The following RBFOX1 variants were observed in gnomAD, a reference collection of about 807,000 sequenced individuals.
The protein encoded by RBFOX1 is RNA binding protein fox-1 homolog 1.
Under a neutral mutation model 57.7 loss-of-function variants are expected in RBFOX1, and 8 were observed. That is an observed-to-expected ratio of 0.14 (90% CI 0.08 to 0.25). The LOEUF is 0.25. RBFOX1 is among the 10% of genes least tolerant of loss of function. The probability of loss-of-function intolerance (pLI) is 1.00; values close to 1 mark genes in which losing one functional copy is unlikely to be tolerated. For synonymous variants in RBFOX1, 326 were observed against 222.4 expected (o/e 1.47, Z -4.15); for missense variants, 611 against 548.5 (o/e 1.11, Z -1.14).
chr16:5,910,058 A>G (rs559529201), intron 4 of RBFOX1, among the ~76,000 whole-genome samples: 3 of 151,816 alleles, frequency 2.0e-5, no homozygotes, highest in Non-Finnish European at 2.9e-5. Flanking sequence ...AAAAACAAAC[A>G]AAAACAAAAA....
intron 3 of RBFOX1, among the ~76,000 whole-genome samples, chr16:6,898,935 GTGTGTATA>G (rs1318222628): frequency 4.6e-5 from 7 of 151,478 alleles, no homozygotes. Flanking sequence ...ATGTGTGTAT[GTGTGTATA>G]TGTGTATAAT....
At chr16:7,409,782 G>C (rs1233626057) in intron 4 of RBFOX1, among the ~76,000 whole-genome samples, 1 of 137,100 alleles carries the variant, frequency 7.3e-6, no homozygotes, top group Non-Finnish European at 1.7e-5. Flanking sequence ...CCTTGCTCTG[G>C]GCATTCCTTG....
chr16:5,993,064 C>A (rs79165163), intron 4 of RBFOX1, among the ~76,000 whole-genome samples: 4 of 152,174 alleles, frequency 2.6e-5, no homozygotes, highest in African/African-American at 9.7e-5. Flanking sequence ...TGCTTACCCA[C>A]AGGCCCTCTC....
intron 1 of RBFOX1, among the ~76,000 whole-genome samples, chr16:6,202,579 T>C (rs2097222008): frequency 6.6e-6 from 1 of 152,060 alleles, no homozygotes; most frequent in Non-Finnish European, 1.5e-5. Flanking sequence ...AGTTTCTTTC[T>C]TTTATGCTGA....
At chr16:6,134,962 A>T (rs1040842688) in intron 1 of RBFOX1, among the ~76,000 whole-genome samples, 1 of 152,056 alleles carries the variant, frequency 6.6e-6, no homozygotes, top group East Asian at 1.9e-4. Context: ...ATCGTTTAAC[A>T]TTAGGTATAT....
At chr16:6,332,291 A>T (rs1599721871) in intron 2 of RBFOX1, among the ~76,000 whole-genome samples, 1 of 152,200 alleles carries the variant, frequency 6.6e-6, no homozygotes, top group Non-Finnish European at 1.5e-5. Flanking sequence ...CTGAGTGTTT[A>T]TTATGTACCT....
chr16:6,385,442 C>G (rs1191105650), intron 2 of RBFOX1, among the ~76,000 whole-genome samples: 2 of 152,206 alleles, frequency 1.3e-5, no homozygotes, highest in African/African-American at 2.4e-5. Flanking sequence ...TCACTGCAAT[C>G]TCCTCCTCCC....
At chr16:5,241,836 C>T (rs1272515922) in intron 1 of RBFOX1, among the ~76,000 whole-genome samples, 1 of 151,914 alleles carries the variant, frequency 6.6e-6, no homozygotes, top group Non-Finnish European at 1.5e-5. Flanking sequence ...CGTGGTGGCT[C>T]AAGCCAATAA....
At chr16:6,808,739 C>T (rs1006009812) in intron 3 of RBFOX1, among the ~76,000 whole-genome samples, 2 of 152,170 alleles carry the variant, frequency 1.3e-5, no homozygotes, top group Non-Finnish European at 2.9e-5. Context: ...CTTTTCTCCA[C>T]AGACAAATAC....
At chr16:5,253,991 CT>C in intron 1 of RBFOX1, among the ~76,000 whole-genome samples, 1 of 151,864 alleles carries the variant, frequency 6.6e-6, no homozygotes, top group Non-Finnish European at 1.5e-5. Context: ...GTGGTAGACA[CT>C]AGCTCAGGTA....
intron 4 of RBFOX1, among the ~76,000 whole-genome samples, chr16:6,011,345 T>G (rs1006109892): frequency 6.6e-6 from 1 of 152,204 alleles, no homozygotes; most frequent in African/African-American, 2.4e-5. Context: ...AAATGATTTC[T>G]AGTGGAACTT....
intron 4 of RBFOX1, among the ~76,000 whole-genome samples, chr16:7,488,524 C>T (rs1435731463): frequency 1.3e-5 from 2 of 152,052 alleles, no homozygotes; most frequent in Non-Finnish European, 2.9e-5. Flanking sequence ...TACCTATCTA[C>T]TATCTACCTG....
intron 12 of RBFOX1, among the ~76,000 whole-genome samples, chr16:7,657,584 C>T (rs1242403779): frequency 6.6e-6 from 1 of 152,224 alleles, no homozygotes; most frequent in Non-Finnish European, 1.5e-5. Context: ...GGATTATAGG[C>T]GTGGGCCACT....
chr16:6,797,741 C>T (rs555217387), intron 3 of RBFOX1, among the ~76,000 whole-genome samples: 3 of 152,220 alleles, frequency 2.0e-5, no homozygotes, highest in African/African-American at 4.8e-5. Flanking sequence ...CACGTTGGCT[C>T]TTGGGGTCCA....
chr16:6,513,719 A>G (rs966851244), intron 2 of RBFOX1, among the ~76,000 whole-genome samples: 1 of 152,128 alleles, frequency 6.6e-6, no homozygotes, highest in African/African-American at 2.4e-5. Context: ...GGGGGACAAG[A>G]GTGAGACTTC....
intron 1 of RBFOX1, among the ~76,000 whole-genome samples, chr16:6,075,053 G>A (rs753286976): frequency 6.6e-6 from 1 of 152,200 alleles, no homozygotes; most frequent in Non-Finnish European, 1.5e-5. Context: ...CAGAGAGGGG[G>A]TTCTTTCACT....
chr16:5,922,474 A>G (rs2058845782), intron 4 of RBFOX1, among the ~76,000 whole-genome samples: 1 of 152,128 alleles, frequency 6.6e-6, no homozygotes, highest in South Asian at 2.1e-4. Flanking sequence ...AGGCTAACAC[A>G]CTGGAAGTTC....
intron 2 of RBFOX1, among the ~76,000 whole-genome samples, chr16:5,578,825 C>CCACA (rs139917677): frequency 0.012 from 1,589 of 129,002 alleles, 23 homozygotes; most frequent in African/African-American, 0.033. Flanking sequence ...CATGAAACCT[C>CCACA]CACACACACA....
chr16:6,769,695 G>T (rs1005588822), intron 3 of RBFOX1, among the ~76,000 whole-genome samples: 8 of 152,266 alleles, frequency 5.3e-5, no homozygotes, highest in African/African-American at 1.9e-4. Flanking sequence ...GTTCCCTGCT[G>T]ATGTAGGATA....
Sources: allele counts gnomAD v4.1 joint callset (sites outside exome capture counted in the v4.1 genomes callset), GRCh38; gene constraint gnomAD v4.1.1; transcripts MANE v1.5; gene names NCBI Gene and HGNC (gene_info 2026-07-23, HGNC 2026-07-21).